The following PLA2G4E variants were observed in gnomAD, a reference collection of about 807,000 sequenced individuals.
PLA2G4E encodes the protein phospholipase A2 group IVE.
PLA2G4E carries 84 observed loss-of-function variants against 109.1 expected under a neutral mutation model. That is an observed-to-expected ratio of 0.77 (90% CI 0.65 to 0.92). The LOEUF is 0.92. Ranked by LOEUF, PLA2G4E falls within the 40% of genes least tolerant of loss-of-function variation. The pLI is 0.00. For synonymous variants in PLA2G4E, 469 were observed against 436.1 expected, an observed-to-expected ratio of 1.08 and a Z score of -0.94; for missense variants, 1,057 against 1,076.6, an observed-to-expected ratio of 0.98 and a Z score of 0.25.
intron 12 of PLA2G4E, among the ~76,000 whole-genome samples, chr15:41,994,677 T>A (rs2068308979): frequency 1.3e-5 from 2 of 152,018 alleles, no homozygotes; most frequent in Non-Finnish European, 2.9e-5. Context: ...TAAAAAATAT[T>A]AAAATTTATA....
intron 1 of PLA2G4E, among the ~76,000 whole-genome samples, chr15:42,045,602 C>T (rs775870585): frequency 6.6e-6 from 1 of 152,182 alleles, no homozygotes; most frequent in Non-Finnish European, 1.5e-5. Flanking sequence ...AGTCTCTTGG[C>T]TCCCAGGACA....
At chr15:41,991,517 G>A (rs2068248034) in intron 13 of PLA2G4E, among the ~76,000 whole-genome samples, 3 of 150,748 alleles carry the variant, frequency 2.0e-5, no homozygotes, top group Admixed American at 1.3e-4. Flanking sequence ...TATCACAGGG[G>A]CAGGGTGGGT....
At chr15:42,000,144 T>C (rs745536753) in exon 8 of PLA2G4E, 1 of 1,594,600 alleles carries the variant, frequency 6.3e-7, no homozygotes, top group South Asian at 1.1e-5. Context: ...CACGTGCACC[T>C]GGGACTGGAA....
chr15:41,997,409 G>T, intron 10 of PLA2G4E, 150 bp from the exon 11 acceptor site: 1 of 859,098 alleles, frequency 1.2e-6, no homozygotes, highest in Non-Finnish European at 1.7e-6. Flanking sequence ...CATCTGTAAA[G>T]TGGGGCGAAT....
At chr15:41,993,560 T>G (rs548473172) in intron 12 of PLA2G4E, among the ~76,000 whole-genome samples, 1 of 152,304 alleles carries the variant, frequency 6.6e-6, no homozygotes, top group South Asian at 2.1e-4. Context: ...ACTTACATGT[T>G]GGTTGTCGGG....
chr15:41,995,442 T>C, exon 12 of PLA2G4E: 1 of 1,613,950 alleles, frequency 6.2e-7, no homozygotes, highest in Non-Finnish European at 8.5e-7. Context: ...TGGCCATACA[T>C]GGAGGTCATG....
intron 1 of PLA2G4E, among the ~76,000 whole-genome samples, chr15:42,037,487 G>C (rs570827824): frequency 3.3e-5 from 5 of 152,352 alleles, no homozygotes; most frequent in African/African-American, 1.2e-4. Flanking sequence ...GGTCTCCTCT[G>C]AGCTGTTCTA....
chr15:41,997,101 T>C, intron 11 of PLA2G4E, 23 bp downstream of exon 11: 1 of 1,546,024 alleles, frequency 6.5e-7, no homozygotes, highest in Non-Finnish European at 8.7e-7. Context: ...GGGCCCAGGC[T>C]GGCCACATCC....
At chr15:42,019,914 C>T (rs886308139) in intron 1 of PLA2G4E, among the ~76,000 whole-genome samples, 2 of 152,248 alleles carry the variant, frequency 1.3e-5, no homozygotes, top group African/African-American at 4.8e-5. Context: ...AACTGCTTCA[C>T]TGCCCCCTTT....
intron 1 of PLA2G4E, among the ~76,000 whole-genome samples, chr15:42,045,949 C>T (rs1889408365): frequency 6.9e-6 from 1 of 144,812 alleles, no homozygotes; most frequent in Admixed American, 6.7e-5. Context: ...TCCACCCCAA[C>T]CAATTCTATC....
At chr15:42,013,612 C>T in intron 2 of PLA2G4E, 73 bp downstream of exon 2, 1 of 1,431,094 alleles carries the variant, frequency 7.0e-7, no homozygotes, top group Non-Finnish European at 9.6e-7. Context: ...TCCACCTGAC[C>T]ATTTCTCCAG....
At chr15:41,992,244 G>A (rs180889422) in intron 13 of PLA2G4E, among the ~76,000 whole-genome samples, 28 of 152,264 alleles carry the variant, frequency 1.8e-4, no homozygotes, top group African/African-American at 6.5e-4. Flanking sequence ...TGACTGAGTG[G>A]GGCAGGGATA....
intron 1 of PLA2G4E, among the ~76,000 whole-genome samples, chr15:42,047,629 T>A (rs1889437950): frequency 6.6e-6 from 1 of 152,188 alleles, no homozygotes; most frequent in Non-Finnish European, 1.5e-5. Context: ...ATCTGCCACG[T>A]AAGTAATCGA....
At chr15:41,986,081 G>T in intron 17 of PLA2G4E, 76 bp from the exon 18 acceptor site, 1 of 1,472,204 alleles carries the variant, frequency 6.8e-7, no homozygotes, top group South Asian at 1.3e-5. Flanking sequence ...TGGGGGGACG[G>T]AGCGCCCTGT....
intron 12 of PLA2G4E, 123 bp from the exon 13 acceptor site, chr15:41,993,082 G>A: frequency 1.3e-6 from 1 of 797,298 alleles, no homozygotes; most frequent in East Asian, 2.7e-5. Context: ...GGGGAACCTG[G>A]AGAGTAGGGG....
intron 5 of PLA2G4E, among the ~76,000 whole-genome samples, chr15:42,004,301 A>AGAAAGGAAAGAAAGG (rs1486131060): frequency 8.3e-4 from 126 of 151,642 alleles, no homozygotes; most frequent in African/African-American, 2.5e-3. Context: ...GACGAAAGAA[A>AGAAAGGAAAGAAAGG]GAAAGAAAGG....
At chr15:42,025,316 G>A (rs1156569639) in intron 1 of PLA2G4E, among the ~76,000 whole-genome samples, 1 of 152,180 alleles carries the variant, frequency 6.6e-6, no homozygotes, top group Non-Finnish European at 1.5e-5. Flanking sequence ...AGGGGCTTCT[G>A]GCCAAGTTAG....
In PLA2G4E at chr15:41,993,473, C is replaced by A. The variant is rs112438875; in HGVS notation, c.1248-514G>T. Among the ~76,000 whole-genome samples the A allele has an allele frequency of 7.4e-3, 1,134 of 152,304 alleles. 15 individuals carry two copies. The highest frequency in any genetic ancestry group is 0.026 in the African/African-American group (1,078 of 41,548). ...ACCCAGGCTCGACTGATTACAGGTC[C>A]TGGCTGTTTCTACTCTGCCATGTTA... On this transcript the variant is annotated intron_variant, in intron 12 of 19. Transcript: ENST00000399518.
chr15:42,010,922 T>C (rs529483925), intron 2 of PLA2G4E, among the ~76,000 whole-genome samples: 1 of 152,310 alleles, frequency 6.6e-6, no homozygotes, highest in East Asian at 1.9e-4. Flanking sequence ...CAAGACTAAA[T>C]GGAAGTGCTG....
Sources: gnomAD v4.1 joint callset for allele counts (sites outside exome capture counted in the v4.1 genomes callset) on GRCh38, gnomAD v4.1.1 for gene constraint, MANE v1.5 for transcripts, NCBI Gene and HGNC (gene_info 2026-07-23, HGNC 2026-07-21) for gene names.